Variants in FRYL observed in about 807,000 individuals in gnomAD.
FRYL encodes protein furry homolog-like.
A neutral mutation model predicts 351.2 loss-of-function variants in FRYL; 150 were observed. The observed-to-expected ratio is 0.43, with a 90% CI of 0.37 to 0.49. The LOEUF is 0.49. Ranked by LOEUF, FRYL falls within the 20% of genes least tolerant of loss-of-function variation. FRYL has a pLI of 0.00. For synonymous variants in FRYL, 1,153 were observed against 1,257.1 expected (o/e 0.92, Z 1.75); for missense variants, 3,036 against 3,619.3 (o/e 0.84, Z 4.13).
chr4:48,580,245 T>C (rs1740598164), intron 22 of FRYL, among the ~76,000 whole-genome samples: 1 of 152,142 alleles, frequency 6.6e-6, no homozygotes, highest in Non-Finnish European at 1.5e-5. Context: ...TTTTAAATAG[T>C]AAGGTTTTAT....
chr4:48,551,790 A>C (rs1732815713), intron 36 of FRYL, among the ~76,000 whole-genome samples: 1 of 152,242 alleles, frequency 6.6e-6, no homozygotes, highest in Admixed American at 6.5e-5. Flanking sequence ...TAAGTAATTA[A>C]GTGTTAAGAA....
intron 26 of FRYL, chr4:48,571,792 G>C (rs1738386277): frequency 1.0e-6 from 1 of 977,088 alleles, no homozygotes; most frequent in African/African-American, 1.8e-5. Context: ...CAGTTTGGTT[G>C]GCCTGTTTTC....
At chr4:48,639,190 C>T (rs1305848309) in intron 3 of FRYL, among the ~76,000 whole-genome samples, 1 of 151,740 alleles carries the variant, frequency 6.6e-6, no homozygotes, top group Non-Finnish European at 1.5e-5. Context: ...TCGTGTGTAT[C>T]AACAAGCATA....
At chr4:48,691,516 C>A (rs1407463374) in intron 2 of FRYL, among the ~76,000 whole-genome samples, 1 of 152,122 alleles carries the variant, frequency 6.6e-6, no homozygotes, top group Non-Finnish European at 1.5e-5. Flanking sequence ...TCTCAGTATT[C>A]AATCTCCGTT....
At chr4:48,671,400 G>A (rs570882073) in intron 3 of FRYL, among the ~76,000 whole-genome samples, 226 of 152,240 alleles carry the variant, frequency 1.5e-3, no homozygotes, top group African/African-American at 5.0e-3. Context: ...GGGTGTGGTG[G>A]CTCACACCTG....
At chr4:48,619,856 T>C (rs567871295) in intron 6 of FRYL, among the ~76,000 whole-genome samples, 12 of 152,316 alleles carry the variant, frequency 7.9e-5, no homozygotes, top group African/African-American at 2.9e-4. Context: ...TTTCCCTTTT[T>C]ATATACGGGG....
chr4:48,760,633 T>C (rs1774305857), intron 1 of FRYL, among the ~76,000 whole-genome samples: 2 of 152,054 alleles, frequency 1.3e-5, no homozygotes, highest in South Asian at 4.1e-4. Context: ...TTAGGGAAAA[T>C]GTTGTCATTC....
chr4:48,623,698 A>G (rs1418338990), intron 4 of FRYL, among the ~76,000 whole-genome samples: 1 of 152,152 alleles, frequency 6.6e-6, no homozygotes, highest in Admixed American at 6.6e-5. Context: ...TGAAAAAACA[A>G]GGCGGTTGTC....
intron 1 of FRYL, among the ~76,000 whole-genome samples, chr4:48,711,697 G>C (rs1768062060): frequency 1.3e-5 from 2 of 152,240 alleles, no homozygotes; most frequent in Admixed American, 6.5e-5. Flanking sequence ...CTGTCTGACA[G>C]CTTTGAAGAG....
chr4:48,689,111 T>A (rs1444375261), intron 2 of FRYL, among the ~76,000 whole-genome samples: 1 of 152,238 alleles, frequency 6.6e-6, no homozygotes, highest in East Asian at 1.9e-4. Flanking sequence ...TGCAAAAATC[T>A]AAATTTCTTG....
chr4:48,505,365 A>AT, intron 60 of FRYL, 182 bp downstream of exon 60: 4 of 648,206 alleles, frequency 6.2e-6, no homozygotes, highest in Non-Finnish European at 1.1e-5. Flanking sequence ...ATTAAAGTGA[A>AT]TTTTTCATTA....
intron 49 of FRYL, among the ~76,000 whole-genome samples, chr4:48,533,037 A>T (rs1269395636): frequency 1.3e-5 from 2 of 152,144 alleles, no homozygotes; most frequent in Admixed American, 6.5e-5. Flanking sequence ...GCCACACTGG[A>T]CCCATATTCT....
rs202125385 is a variant in FRYL, at chr4:48,570,915, T to A, written c.2908A>T (p.Met970Leu). The change falls in exon 27 of 64, where the codon ATG becomes TTG. Residue 970 changes from methionine (M) to leucine (L), a missense_variant. Around this residue, in one of 7 missense-constraint regions of FRYL, gnomAD observed 492 missense variants for 551.5 expected, o/e 0.89. Transcript: ENST00000358350. ...KEALERRPEN[M>L]KRRRRRDILR... is the part of the protein sequence containing the mutation. ...ATGTCTCGACGCCTGCGCCGTTTCA[T>A]ATTCTATTCCAAAGATACAAACACA... 4.8e-4 allele frequency: 772 copies of A among 1,611,118 alleles called. No homozygotes were observed. The highest frequency in any genetic ancestry group is 6.2e-4 in the Non-Finnish European group (732 of 1,177,530).
At chr4:48,555,270 T>C (rs1733817383) in intron 35 of FRYL, among the ~76,000 whole-genome samples, 1 of 152,204 alleles carries the variant, frequency 6.6e-6, no homozygotes, top group African/African-American at 2.4e-5. Context: ...GCACCTTCTA[T>C]GTGCCAGGCA....
chr4:48,693,080 G>C (rs138218452), intron 2 of FRYL, among the ~76,000 whole-genome samples: 8 of 152,262 alleles, frequency 5.3e-5, no homozygotes, highest in African/African-American at 1.9e-4. Flanking sequence ...GTTAAAAAAT[G>C]CAAATGTCTT....
At chr4:48,575,962 T>A in intron 24 of FRYL, 68 bp downstream of exon 24, 1 of 1,303,940 alleles carries the variant, frequency 7.7e-7, no homozygotes, top group South Asian at 1.8e-5. Context: ...TAAAAAGAAA[T>A]TTTAAAATCT....
intron 3 of FRYL, among the ~76,000 whole-genome samples, chr4:48,642,706 A>G: frequency 6.6e-6 from 1 of 152,150 alleles, no homozygotes; most frequent in African/African-American, 2.4e-5. Context: ...AAAATGACCT[A>G]TCATCCAAAT....
At chr4:48,653,869 T>C in intron 3 of FRYL, 1 of 1,284,236 alleles carries the variant, frequency 7.8e-7, no homozygotes. Context: ...TTTGCCGTTC[T>C]GTCTCTCCAA....
chr4:48,612,496 ACG>A (rs1491221263), intron 7 of FRYL, among the ~76,000 whole-genome samples: 1 of 55,546 alleles, frequency 1.8e-5, no homozygotes, highest in Non-Finnish European at 3.9e-5. Flanking sequence ...CTGTGTGTGC[ACG>A]TGTGTGTGTG....
Sources: allele counts gnomAD v4.1 joint callset (sites outside exome capture counted in the v4.1 genomes callset), GRCh38; gene constraint gnomAD v4.1.1; regional missense constraint gnomAD v4.1.1; transcripts MANE v1.5; gene names NCBI Gene and HGNC (gene_info 2026-07-23, HGNC 2026-07-21).